ACSS3: variants seen among roughly 807,000 people sequenced by gnomAD.
ACSS3 encodes the protein acyl-CoA synthetase short-chain family member 3, mitochondrial.
A neutral mutation model predicts 84.2 loss-of-function variants in ACSS3; 64 were observed. That is an observed-to-expected ratio of 0.76 (90% CI 0.62 to 0.94). The LOEUF is 0.94. ACSS3 is among the 40% of genes least tolerant of loss of function. ACSS3 has a pLI of 0.00. For missense variants in ACSS3, 815 were observed against 867.6 expected (o/e 0.94, Z 0.76); for synonymous variants, 317 against 310.1 (o/e 1.02, Z -0.23).
intron 7 of ACSS3, among the ~76,000 whole-genome samples, chr12:81,172,397 C>T (rs975645934): frequency 2.0e-5 from 3 of 151,906 alleles, no homozygotes; most frequent in African/African-American, 7.3e-5. Flanking sequence ...TGTGTGCCTG[C>T]TGTATGAGCA....
chr12:81,081,861 T>C (rs1227530123), intron 1 of ACSS3, among the ~76,000 whole-genome samples: 1 of 152,136 alleles, frequency 6.6e-6, no homozygotes, highest in Non-Finnish European at 1.5e-5. Context: ...CAAGATACTG[T>C]GGGTTTCTCA....
intron 1 of ACSS3, among the ~76,000 whole-genome samples, chr12:81,090,332 C>T (rs1881592396): frequency 6.6e-6 from 1 of 152,050 alleles, no homozygotes; most frequent in African/African-American, 2.4e-5. Context: ...CATTTTGTCA[C>T]TTCACATCTA....
chr12:81,236,619 T>C (rs999350565), intron 13 of ACSS3, among the ~76,000 whole-genome samples: 2 of 151,518 alleles, frequency 1.3e-5, no homozygotes, highest in Admixed American at 6.6e-5. Flanking sequence ...TTTCAGATAA[T>C]TTACATTTAA....
At chr12:81,191,132 T>C (rs980383350) in intron 8 of ACSS3, among the ~76,000 whole-genome samples, 1 of 152,066 alleles carries the variant, frequency 6.6e-6, no homozygotes, top group Non-Finnish European at 1.5e-5. Flanking sequence ...ACTATGAACA[T>C]CTCACATTAT....
intron 8 of ACSS3, 32 bp from the exon 9 acceptor site, chr12:81,199,309 G>A: frequency 6.4e-7 from 1 of 1,552,602 alleles, no homozygotes; most frequent in East Asian, 2.3e-5. Context: ...TTATTTTCCA[G>A]GAATAATTTG....
intron 7 of ACSS3, among the ~76,000 whole-genome samples, chr12:81,156,441 T>A (rs1426282867): frequency 5.9e-5 from 9 of 151,382 alleles, no homozygotes; most frequent in Admixed American, 5.9e-4. Flanking sequence ...CAGGAAGGAA[T>A]AATAAAGGTA....
In ACSS3 at chr12:81,217,013, A is replaced by G. The variant is rs1343988271; in HGVS notation, c.1450+17A>G. On this transcript the variant is annotated intron_variant, in intron 10 of 15. Coordinates refer to ENST00000548058, the MANE Select transcript of ACSS3 (RefSeq NM_024560.4). ...GATACAATGGTAAGGAATGACCCTG[A>G]TAATACGTAAAGTTAATAAATTTGG... The G allele has an allele frequency of 2.5e-6, 4 of 1,588,860 alleles. No individual in the cohort carries two copies. Among genetic ancestry groups the G allele is most frequent in the Admixed American group, 1.7e-5 (1 of 59,772 alleles).
chr12:81,177,434 C>T (rs1815588686), intron 8 of ACSS3, among the ~76,000 whole-genome samples: 1 of 151,684 alleles, frequency 6.6e-6, no homozygotes, highest in Admixed American at 6.6e-5. Context: ...CCCAAAAGCT[C>T]CTAGATCTGA....
chr12:81,151,930 C>A lies in ACSS3; in HGVS notation c.1002+6C>A, dbSNP rs762016409. ...ACGGACTTCAACCCGGAGAGGTAATCGTGGTTTTAAATTTACATTACATGA... is the reference window on the plus strand; with the variant it reads ...ACGGACTTCAACCCGGAGAGGTAATAGTGGTTTTAAATTTACATTACATGA... On this transcript the variant is annotated splice_donor_region_variant and intron_variant, in intron 6 of 15. Coordinates refer to ENST00000548058, the MANE Select transcript of ACSS3 (RefSeq NM_024560.4). 5.0e-6 allele frequency: 8 copies of A among 1,613,446 alleles called. No homozygotes were observed. Among genetic ancestry groups the A allele is most frequent in the Non-Finnish European group, 6.8e-6 (8 of 1,179,800 alleles).
chr12:81,253,842 G>A (rs145927004), intron 15 of ACSS3, among the ~76,000 whole-genome samples, 172 bp downstream of exon 15: 301 of 152,184 alleles, frequency 2.0e-3, no homozygotes, highest in African/African-American at 6.9e-3. Context: ...TCCTTCTGTA[G>A]GAATGAAGGT....
chr12:81,172,014 C>G (rs1437340595), intron 7 of ACSS3, among the ~76,000 whole-genome samples: 1 of 151,966 alleles, frequency 6.6e-6, no homozygotes, highest in African/African-American at 2.4e-5. Flanking sequence ...GCCTGTAATC[C>G]CAGCACTTTG....
At chr12:81,235,696 G>C (rs1441888020) in intron 13 of ACSS3, among the ~76,000 whole-genome samples, 2 of 151,336 alleles carry the variant, frequency 1.3e-5, no homozygotes, top group Non-Finnish European at 3.0e-5. Context: ...TTCTGAACAA[G>C]TTTTGTTAAG....
At chr12:81,163,564 A>T (rs1887258855) in intron 7 of ACSS3, among the ~76,000 whole-genome samples, 1 of 152,216 alleles carries the variant, frequency 6.6e-6, no homozygotes, top group Non-Finnish European at 1.5e-5. Flanking sequence ...GGTTAACTCT[A>T]AAACAGTCTC....
chr12:81,172,877 G>A (rs748262307), intron 7 of ACSS3, among the ~76,000 whole-genome samples: 20 of 152,214 alleles, frequency 1.3e-4, no homozygotes, highest in African/African-American at 4.1e-4. Context: ...TGGCACTGTC[G>A]TAGAATTCAA....
intron 9 of ACSS3, 112 bp downstream of exon 9, chr12:81,199,556 T>A: frequency 1.4e-6 from 2 of 1,451,508 alleles, no homozygotes; most frequent in Non-Finnish European, 1.9e-6. Context: ...AACTCGGGAT[T>A]CGAGTGGTTC....
At position 81,216,988 on chromosome 12, in the gene ACSS3, G is replaced by C. The variant is rs267603702; in HGVS notation, c.1442G>C (p.Gly481Ala). The part of the protein sequence containing the change: ...PPGQAGKSVP[G>A]YNVMILDDNM... ...GGGCAAGCAGGAAAAAGCGTCCCAG[G>C]ATACAATGGTAAGGAATGACCCTGA... Residue 481 changes from glycine to alanine, a missense_variant, in exon 10 of 16, where the codon GGA (glycine) becomes GCA (alanine). Physicochemically the swap from Gly to Ala is moderately conservative, Grantham distance 60. Transcript: ENST00000548058. 6.2e-7 allele frequency: 1 copy of C among 1,608,722 alleles called. No individual in the cohort carries two copies. Among genetic ancestry groups the C allele is most frequent in the Non-Finnish European group, 8.5e-7 (1 of 1,176,034 alleles).
chr12:81,243,041 T>A (rs920536183), intron 13 of ACSS3, among the ~76,000 whole-genome samples: 1 of 151,848 alleles, frequency 6.6e-6, no homozygotes, highest in Non-Finnish European at 1.5e-5. Flanking sequence ...ATAAAGGGTA[T>A]TCAATTAGGA....
chr12:81,179,337 A>G (rs529986289), intron 8 of ACSS3, among the ~76,000 whole-genome samples: 20 of 151,214 alleles, frequency 1.3e-4, no homozygotes, highest in African/African-American at 4.8e-4. Context: ...TGACAAGTGC[A>G]ATTAAACTAA....
rs141408634 is a variant in ACSS3 at position 81,079,487 on chromosome 12, G to A, written c.311+1056G>A. Among the ~76,000 whole-genome samples the A allele has an allele frequency of 4.4e-3, 670 of 152,338 alleles. 6 individuals are homozygous for A. The Middle Eastern group carries it at 0.058, about 13-fold the overall frequency. The stretch of plus-strand genomic sequence containing the variant: ...CTCTGTGGTCAGAGCAAGAAATCTG[G>A]AATGGAATTGGCTAGAGCCTGTTCT... On this transcript the variant is annotated intron_variant, in intron 1 of 15. Coordinates refer to ENST00000548058, the MANE Select transcript of ACSS3 (RefSeq NM_024560.4).
Sources: gnomAD v4.1 joint callset for allele counts (sites outside exome capture counted in the v4.1 genomes callset) on GRCh38, gnomAD v4.1.1 for gene constraint, MANE v1.5 for transcripts, NCBI Gene and HGNC (gene_info 2026-07-23, HGNC 2026-07-21) for gene names.